PFKFB2: variants seen among roughly 807,000 people sequenced by gnomAD.
PFKFB2 encodes 6-phosphofructo-2-kinase/fructose-2,6-biphosphatase 2.
Under a neutral mutation model 68.0 loss-of-function variants are expected in PFKFB2, and 53 were observed. The ratio of observed to expected loss-of-function variants is 0.78; its 90% CI spans 0.63 to 0.98. The LOEUF is 0.98. Among genes scored for constraint, PFKFB2 ranks in the 50% least tolerant of loss-of-function variants. The probability of loss-of-function intolerance (pLI) is 0.00; values close to 1 mark genes in which losing one functional copy is unlikely to be tolerated. For missense variants in PFKFB2, 451 were observed against 642.0 expected, an observed-to-expected ratio of 0.70 and a Z score of 3.22; for synonymous variants, 222 against 227.6, an observed-to-expected ratio of 0.98 and a Z score of 0.22.
At chr1:207,052,336 G>T, upstream of PFKFB2, 1 of 1,008,788 alleles carries the variant, frequency 9.9e-7, no homozygotes, top group Non-Finnish European at 1.5e-6. Context: ...GGGTTAGGGG[G>T]TAGGTAGGAG....
chr1:207,079,519 C>T (rs1424702960), downstream of PFKFB2: 1 of 154,444 alleles, frequency 6.5e-6, no homozygotes, highest in African/African-American at 2.4e-5. Context: ...GACAAATCAC[C>T]AGGTGAATGG....
Position 207,071,249 on chromosome 1 carries a change from T to C in PFKFB2, c.1284T>C (p.Tyr428=). 1 of 1,611,458 alleles carries C rather than the reference T, an allele frequency of 6.2e-7. No individual in the cohort carries two copies. Among genetic ancestry groups the C allele is most frequent in the Non-Finnish European group, 8.5e-7 (1 of 1,177,550 alleles). The change falls in exon 13 of 15, where the codon TAT becomes TAC. Residue 428 remains tyrosine, a splice_region_variant and synonymous_variant. Transcript: ENST00000367080. ...HTIFKLTPVA[Y]GCKVETIKLN... is the part of the protein sequence containing the mutation. The stretch of plus-strand genomic sequence containing the variant: ...TCTTCAAACTTACTCCTGTGGCCTA[T>C]GGTAACTATGCACATAGGGGCTGGC...
Position 207,070,467 on chromosome 1 carries a change from T to G in PFKFB2, c.1222+58T>G, listed in dbSNP as rs975145665. The G allele has an allele frequency of 4.4e-6, 7 of 1,579,142 alleles. No individual in the cohort carries two copies. The African/African-American group carries it at 6.7e-5, about 15-fold the overall frequency. On this transcript the variant is annotated intron_variant, in intron 12 of 14. Coordinates refer to ENST00000367080, the MANE Select transcript of PFKFB2 (RefSeq NM_006212.2). The surrounding 1 kb of genome is among the most constrained non-coding windows in gnomAD (Gnocchi z 4.2). ...CAGTGGGAGAGGGCTGGACTTGCAG[T>G]GGCACCAGGATTCCTGGGAAACAGA...
intron 2 of PFKFB2, chr1:207,047,121 G>C (rs1350673396): frequency 6.6e-6 from 1 of 152,508 alleles, no homozygotes; most frequent in East Asian, 1.9e-4. Flanking sequence ...TGAGAGTCAG[G>C]TGTGGAGAGA....
chr1:207,047,254 TA>T (rs1682622795), intron 2 of PFKFB2: 1 of 152,514 alleles, frequency 6.6e-6, no homozygotes, highest in African/African-American at 2.4e-5. Flanking sequence ...ATGCTGACCA[TA>T]ACAGCTTATA....
At chr1:207,059,575 G>A (rs189716265) in intron 2 of PFKFB2, among the ~76,000 whole-genome samples, 41 of 152,220 alleles carry the variant, frequency 2.7e-4, no homozygotes, top group Non-Finnish European at 3.2e-4. Context: ...AATCACTTAT[G>A]TTGCTCCTTT....
downstream of PFKFB2, chr1:207,078,902 G>A (rs551542384): frequency 5.0e-5 from 73 of 1,463,678 alleles, 2 homozygotes; most frequent in South Asian, 5.9e-4. Flanking sequence ...TTTTATGTTC[G>A]CTGCTTGGCA....
chr1:207,043,974 G>C (rs1465214420), intron 2 of PFKFB2: 1 of 152,566 alleles, frequency 6.6e-6, no homozygotes, highest in Non-Finnish European at 1.5e-5. Flanking sequence ...CATAAGAGTT[G>C]TAGAAAATGA....
chr1:207,076,250 T>G lies in PFKFB2; in HGVS notation c.*3879T>G, dbSNP rs1683618310. ...TAAATTCATCTATGTTACTTTTTTT[T>G]TCTTTTTTTTTTTTTTTTATGAGCA... On this transcript the variant is annotated 3_prime_UTR_variant, in exon 15 of 15. Coordinates refer to ENST00000367080, the MANE Select transcript of PFKFB2 (RefSeq NM_006212.2). 2 of 972,788 alleles carry G rather than the reference T, an allele frequency of 2.1e-6. No homozygotes were observed. The highest frequency in any genetic ancestry group is 1.2e-4 in the Admixed American group (2 of 16,202). 60.3% of individuals were successfully genotyped at this position (972,788 alleles called of 1,614,324 possible).
chr1:207,062,525 C>T, intron 3 of PFKFB2, 95 bp from the exon 4 acceptor site: 1 of 1,545,622 alleles, frequency 6.5e-7, no homozygotes, highest in Admixed American at 2.0e-5. Flanking sequence ...TTTTTTCATC[C>T]CCTTGGTCAC....
At chr1:207,057,408 G>A (rs1027861507) in intron 2 of PFKFB2, among the ~76,000 whole-genome samples, 9 of 150,562 alleles carry the variant, frequency 6.0e-5, no homozygotes, top group Admixed American at 3.3e-4. Context: ...AACCCGGGAG[G>A]CGGAGCTTGC....
chr1:207,054,786 G>A lies in PFKFB2; in HGVS notation c.69G>A (p.Met23Ile). The A allele has an allele frequency of 1.2e-6, 2 of 1,612,932 alleles. No individual in the cohort carries two copies. Residue 23 changes from methionine (M) to isoleucine (I), a missense_variant, in exon 2 of 15, where the codon ATG becomes ATA. Transcript: ENST00000367080. Reference sequence around the variant, plus strand: ...AAACCAAAACCCCAAATCTTCGAATGTCAGAGAAGAAATGTTGTGAGTTCT... The same window carrying A: ...AAACCAAAACCCCAAATCTTCGAATATCAGAGAAGAAATGTTGTGAGTTCT... ...SYETKTPNLR[M>I]SEKKCSWASY...
intron 2 of PFKFB2, among the ~76,000 whole-genome samples, chr1:207,055,784 T>A (rs1232971370): frequency 6.6e-6 from 1 of 152,156 alleles, no homozygotes; most frequent in Non-Finnish European, 1.5e-5. Context: ...CATGCCCTTG[T>A]CAGTTTCATG....
chr1:207,054,007 G>A (rs1292509489), intron 1 of PFKFB2, among the ~76,000 whole-genome samples: 1 of 148,086 alleles, frequency 6.8e-6, no homozygotes, highest in Non-Finnish European at 1.5e-5. Context: ...GGGTTCAAGC[G>A]ATTCTCCTGC....
rs963203816 is a variant in PFKFB2 at position 207,074,548 on chromosome 1, C to T, written c.*2177C>T. ...ACCCCGGGTCCTTTACTCGTATGTC[C>T]CAAGTAGGATACCATAGGCAGCTTC... On this transcript the variant is annotated 3_prime_UTR_variant, in exon 15 of 15. Transcript: ENST00000367080. 1.0e-6 allele frequency: 1 copy of T among 985,314 alleles called. No individual in the cohort carries two copies. The highest frequency in any genetic ancestry group is 1.2e-6 in the Non-Finnish European group (1 of 829,906). The allele number at this position is 985,314 out of a possible 1,614,324, so 61.0% of individuals were successfully genotyped here.
rs201702529 is a variant in PFKFB2 at position 207,061,165 on chromosome 1, T to TTATATATATA, written c.86-760_86-751dup. ...TCTTTATATATATTTATATATATCT[T>TTATATATATA]TATATATATATATATATATATATAT... On this transcript the variant is annotated intron_variant, in intron 2 of 14. Transcript: ENST00000367080. Among the ~76,000 whole-genome samples the TTATATATATA allele has an allele frequency of 5.9e-3, 266 of 44,998 alleles. 1 individual carries two copies. The highest frequency in any genetic ancestry group is 0.01 in the South Asian group (14 of 1,362). 29.5% of individuals were successfully genotyped at this position (44,998 alleles called of 152,430 possible). A position where few individuals can be genotyped will look rare whatever the true frequency, so the allele number is the denominator to read the frequency against.
At chr1:207,040,447 G>C (rs1045850306) in intron 1 of PFKFB2, among the ~76,000 whole-genome samples, 2 of 152,204 alleles carry the variant, frequency 1.3e-5, no homozygotes, top group Admixed American at 6.5e-5. Flanking sequence ...GGTCAGAAGG[G>C]CAGAGAAGTT....
At chr1:207,071,387 A>T in intron 13 of PFKFB2, 122 bp from the exon 14 acceptor site, 5 of 1,020,814 alleles carry the variant, frequency 4.9e-6, no homozygotes, top group Non-Finnish European at 6.2e-6. Context: ...TTTGAAAGGG[A>T]TGTATGCATG....
intron 2 of PFKFB2, among the ~76,000 whole-genome samples, chr1:207,058,127 TGAA>T (rs1682985095): frequency 1.3e-5 from 2 of 152,254 alleles, no homozygotes; most frequent in Admixed American, 6.5e-5. Context: ...AGTGGTTAAC[TGAA>T]ACATCAGCTT....
Sources: gnomAD v4.1 joint callset for allele counts (sites outside exome capture counted in the v4.1 genomes callset) on GRCh38, gnomAD v4.1.1 for gene constraint, Gnocchi (gnomAD v3.1) non-coding constraint, MANE v1.5 for transcripts, NCBI Gene and HGNC (gene_info 2026-07-23, HGNC 2026-07-21) for gene names.